Variants in PAK1 observed in about 807,000 individuals in gnomAD.
The protein encoded by PAK1 is p21 (RAC1) activated kinase 1.
Under a neutral mutation model 67.4 loss-of-function variants are expected in PAK1, and 29 were observed. That is an observed-to-expected ratio of 0.43 (90% CI 0.32 to 0.59). The LOEUF (loss-of-function observed/expected upper bound fraction) is 0.59. Ranked by LOEUF, PAK1 falls within the 20% of genes least tolerant of loss-of-function variation. PAK1 has a pLI of 0.07. For missense variants in PAK1, 337 were observed against 670.7 expected (o/e 0.50, Z 5.50); for synonymous variants, 223 against 237.4 (o/e 0.94, Z 0.56).
At chr11:77,399,335 G>C (rs1952283554) in intron 1 of PAK1, among the ~76,000 whole-genome samples, 1 of 152,168 alleles carries the variant, frequency 6.6e-6, no homozygotes, top group Admixed American at 6.5e-5. Flanking sequence ...ACACATGAAA[G>C]AAATGTTAAA....
intron 1 of PAK1, among the ~76,000 whole-genome samples, chr11:77,442,041 C>T (rs1223787757): frequency 3.3e-5 from 5 of 152,188 alleles, no homozygotes; most frequent in Non-Finnish European, 7.3e-5. Context: ...GCTCCCTTCA[C>T]CCTCAGAAAC....
chr11:77,386,771 A>C (rs1377774512), intron 2 of PAK1, among the ~76,000 whole-genome samples: 2 of 151,288 alleles, frequency 1.3e-5, no homozygotes, highest in African/African-American at 2.5e-5. Flanking sequence ...ATCAGTATTA[A>C]TTAATTAATT....
chr11:77,390,556 G>A (rs1950999659), intron 2 of PAK1, among the ~76,000 whole-genome samples: 2 of 151,028 alleles, frequency 1.3e-5, no homozygotes, highest in Non-Finnish European at 2.9e-5. Flanking sequence ...GAGTGCAGTG[G>A]CATGATCACA....
At chr11:77,399,588 G>A (rs1325763329) in intron 1 of PAK1, among the ~76,000 whole-genome samples, 3 of 151,966 alleles carry the variant, frequency 2.0e-5, no homozygotes, top group Non-Finnish European at 2.9e-5. Context: ...GGCCGGGCGC[G>A]GTGGCTCACG....
chr11:77,443,137 A>G (rs1353157143), intron 1 of PAK1, among the ~76,000 whole-genome samples: 1 of 152,048 alleles, frequency 6.6e-6, no homozygotes, highest in African/African-American at 2.4e-5. Context: ...ATCATGGCCA[A>G]CATGGTAAAA....
chr11:77,486,906 G>A, the PAK1 span, among the ~76,000 whole-genome samples: 1 of 152,184 alleles, frequency 6.6e-6, no homozygotes, highest in Non-Finnish European at 1.5e-5. Flanking sequence ...AAGTCCGGGT[G>A]CTGTTCCAGG....
chr11:77,387,296 C>T (rs2137292087), intron 2 of PAK1, among the ~76,000 whole-genome samples: 1 of 152,246 alleles, frequency 6.6e-6, no homozygotes, highest in East Asian at 1.9e-4. Flanking sequence ...TGGTCTAGAA[C>T]TCCTGACCTC....
chr11:77,341,162 A>G (rs1943538348), intron 10 of PAK1, among the ~76,000 whole-genome samples: 1 of 152,184 alleles, frequency 6.6e-6, no homozygotes, highest in Admixed American at 6.5e-5. Flanking sequence ...TTACCCAAAG[A>G]AGAGAGAGCT....
intron 1 of PAK1, among the ~76,000 whole-genome samples, chr11:77,414,105 G>A (rs1954818427): frequency 6.6e-6 from 1 of 152,206 alleles, no homozygotes; most frequent in Non-Finnish European, 1.5e-5. Context: ...TTCTGCTCCA[G>A]GAGCAACGTC....
In PAK1 at chr11:77,322,871, C is replaced by T; in HGVS notation, c.*403G>A. On this transcript the variant is annotated 3_prime_UTR_variant, in exon 15 of 15. Coordinates refer to ENST00000356341, the MANE Select transcript of PAK1 (RefSeq NM_002576.5). The stretch of plus-strand genomic sequence containing the variant: ...CAGTTGAGTCACAGAAAAGCAAGCA[C>T]TAAAGAAATCTCAATTGATTACAAA... The T allele has an allele frequency of 5.8e-6, 3 of 513,972 alleles. No individual in the cohort carries two copies. Among genetic ancestry groups the T allele is most frequent in the South Asian group, 2.6e-5 (1 of 38,994 alleles). 31.8% of individuals were successfully genotyped at this position (513,972 alleles called of 1,614,324 possible). A position where few individuals can be genotyped will look rare whatever the true frequency, so the allele number is the denominator to read the frequency against.
At chr11:77,360,168 T>C (rs1332439724) in intron 5 of PAK1, among the ~76,000 whole-genome samples, 1 of 152,144 alleles carries the variant, frequency 6.6e-6, no homozygotes, top group Non-Finnish European at 1.5e-5. Context: ...CTAGAGGTAC[T>C]GACTGTGGGA....
At chr11:77,451,205 G>C (rs950030853) in intron 1 of PAK1, among the ~76,000 whole-genome samples, 3 of 152,182 alleles carry the variant, frequency 2.0e-5, no homozygotes, top group Non-Finnish European at 4.4e-5. Flanking sequence ...CTTAGCATAT[G>C]AGAAAACAGC....
In PAK1 at chr11:77,374,329, A is replaced by G. The variant is rs1365138159; in HGVS notation, c.476T>C (p.Leu159Ser). Residue 159 changes from leucine (L) to serine (S), a missense_variant and splice_region_variant, in exon 5 of 15, where the codon TTG becomes TCG. This residue lies in a region of PAK1 where 150 missense variants were observed against 179.0 expected (regional missense o/e 0.84). Transcript: ENST00000356341. ...SAEDYNSSNA[L>S]NVKAVSETPA... ...AAAATAGAGTAAATAAAGACTTACC[A>G]AGGCATTAGAAGAATTGTAATCCTC... is the stretch of plus-strand genomic sequence containing the variant. 1 of 1,581,068 alleles carries G rather than the reference A, an allele frequency of 6.3e-7. No individual in the cohort carries two copies. The highest frequency in any genetic ancestry group is 1.1e-5 in the South Asian group (1 of 90,386).
At chr11:77,352,963 CCTAT>C (rs1945481343) in intron 8 of PAK1, among the ~76,000 whole-genome samples, 1 of 152,120 alleles carries the variant, frequency 6.6e-6, no homozygotes, top group South Asian at 2.1e-4. Context: ...CAATTGTTTG[CCTAT>C]CTTTTTCTGT....
chr11:77,325,215 G>A, intron 14 of PAK1: 1 of 1,277,340 alleles, frequency 7.8e-7, no homozygotes, highest in African/African-American at 1.5e-5. Flanking sequence ...AAACAGACTA[G>A]ATGAGCCCTA....
intron 8 of PAK1, chr11:77,353,284 A>G (rs1352267126): frequency 2.5e-6 from 1 of 396,808 alleles, no homozygotes; most frequent in Non-Finnish European, 4.5e-6. Context: ...TTGTGCTAAG[A>G]AAAAAAACCG....
chr11:77,352,646 G>C (rs1945423078), intron 8 of PAK1, among the ~76,000 whole-genome samples: 2 of 152,048 alleles, frequency 1.3e-5, no homozygotes, highest in Admixed American at 6.6e-5. Flanking sequence ...AGTCCTACAA[G>C]CTCCATCCAT....
At position 77,437,008 on chromosome 11, in the gene PAK1, C is replaced by T. The variant is rs530013767; in HGVS notation, c.-22+36544G>A. 2.5e-3 allele frequency among the ~76,000 whole-genome samples: 379 copies of T among 152,280 alleles called. 2 individuals are homozygous for T. Among genetic ancestry groups the T allele is most frequent in the African/African-American group, 8.5e-3 (353 of 41,552 alleles). On this transcript the variant is annotated intron_variant, in intron 1 of 14. Transcript: ENST00000356341. ...ATCTATAAAATGGGGATGATACTAC[C>T]TATTTCACAGTACTGTTCTGAGGAT...
chr11:77,505,575 C>A, the PAK1 span, among the ~76,000 whole-genome samples: 2 of 152,322 alleles, frequency 1.3e-5, no homozygotes, highest in Admixed American at 1.3e-4. Flanking sequence ...TTCCTCTCCC[C>A]ATCCCTTGCC....
Sources: allele counts gnomAD v4.1 joint callset (sites outside exome capture counted in the v4.1 genomes callset), GRCh38; gene constraint gnomAD v4.1.1; regional missense constraint gnomAD v4.1.1; transcripts MANE v1.5; gene names NCBI Gene and HGNC (gene_info 2026-07-23, HGNC 2026-07-21).